GALNT13: variants seen among roughly 807,000 people sequenced by gnomAD.
GALNT13 encodes the protein polypeptide N-acetylgalactosaminyltransferase 13.
Under a neutral mutation model 64.2 loss-of-function variants are expected in GALNT13, and 28 were observed. The observed-to-expected ratio is 0.44, with a 90% CI of 0.32 to 0.60. GALNT13 has a LOEUF of 0.60. Ranked by LOEUF, GALNT13 falls within the 20% of genes least tolerant of loss-of-function variation. The pLI, the probability that GALNT13 is intolerant of heterozygous loss-of-function variation, is 0.05. For missense variants in GALNT13, 577 were observed against 669.8 expected (o/e 0.86, Z 1.53); for synonymous variants, 214 against 224.6 (o/e 0.95, Z 0.42).
the GALNT13 span, among the ~76,000 whole-genome samples, chr2:153,634,459 A>G: frequency 6.6e-6 from 1 of 151,362 alleles, no homozygotes; most frequent in African/African-American, 2.4e-5. Flanking sequence ...CCATACTCCT[A>G]GACTCTCTTC....
At chr2:153,191,606 C>A in the GALNT13 span, among the ~76,000 whole-genome samples, 1 of 151,848 alleles carries the variant, frequency 6.6e-6, no homozygotes, top group Non-Finnish European at 1.5e-5. Flanking sequence ...GTAGCCTCCC[C>A]TTTTCCAATT....
At chr2:153,939,955 G>A (rs1691219355) in intron 2 of GALNT13, among the ~76,000 whole-genome samples, 1 of 152,134 alleles carries the variant, frequency 6.6e-6, no homozygotes, top group South Asian at 2.1e-4. Context: ...TCATGACAAT[G>A]TAACTCTGAA....
At chr2:153,877,012 C>CA in intron 1 of GALNT13, among the ~76,000 whole-genome samples, 1 of 152,074 alleles carries the variant, frequency 6.6e-6, no homozygotes, top group African/African-American at 2.4e-5. Context: ...AAACACAATT[C>CA]AAAATATCAG....
At chr2:153,163,918 T>C in the GALNT13 span, among the ~76,000 whole-genome samples, 967 of 150,330 alleles carry the variant, frequency 6.4e-3, 5 homozygotes, top group African/African-American at 0.023. Flanking sequence ...CTCGGGAGGC[T>C]GAGGCAGGAG....
intron 1 of GALNT13, among the ~76,000 whole-genome samples, chr2:153,882,898 A>AAGAT (rs1686878256): frequency 6.6e-6 from 1 of 151,642 alleles, no homozygotes; most frequent in East Asian, 1.9e-4. Context: ...ACAGACATTT[A>AAGAT]AGATATAATG....
chr2:154,434,847 A>G (rs774061346), intron 11 of GALNT13, among the ~76,000 whole-genome samples: 2 of 152,230 alleles, frequency 1.3e-5, no homozygotes, highest in Non-Finnish European at 2.9e-5. Flanking sequence ...GTAAGTTGGT[A>G]TACATTCATA....
intron 1 of GALNT13, among the ~76,000 whole-genome samples, chr2:153,893,222 A>T (rs1356327927): frequency 2.0e-5 from 3 of 152,106 alleles, no homozygotes; most frequent in Non-Finnish European, 4.4e-5. Context: ...ACATTCGTCA[A>T]AAAATCATGT....
chr2:154,163,156 T>C (rs1324934610), intron 4 of GALNT13, among the ~76,000 whole-genome samples: 5 of 105,396 alleles, frequency 4.7e-5, no homozygotes, highest in South Asian at 3.5e-4. Flanking sequence ...CAACAGGCCC[T>C]GGTGTGTGAT....
chr2:153,755,270 C>G, the GALNT13 span, among the ~76,000 whole-genome samples: 1 of 152,204 alleles, frequency 6.6e-6, no homozygotes, highest in Non-Finnish European at 1.5e-5. Flanking sequence ...GGAGAGGTTT[C>G]TCTTCTGCCA....
chr2:153,422,564 T>A, the GALNT13 span, among the ~76,000 whole-genome samples: 1 of 152,040 alleles, frequency 6.6e-6, no homozygotes, highest in Non-Finnish European at 1.5e-5. Flanking sequence ...AATAAAAAAA[T>A]ACAGAAACAG....
intron 9 of GALNT13, among the ~76,000 whole-genome samples, chr2:154,393,724 C>T (rs886879215): frequency 3.9e-5 from 6 of 152,160 alleles, no homozygotes; most frequent in Non-Finnish European, 8.8e-5. Flanking sequence ...TATAATTCCC[C>T]ATTAGCCACT....
the GALNT13 span, among the ~76,000 whole-genome samples, chr2:153,565,902 T>A: frequency 6.6e-6 from 1 of 151,810 alleles, no homozygotes. Context: ...TAAGCAAAAA[T>A]TAATGAAAAA....
chr2:154,428,150 G>C (rs707062), intron 11 of GALNT13, among the ~76,000 whole-genome samples: 32,006 of 152,020 alleles, frequency 0.21, 3,649 homozygotes, highest in South Asian at 0.29. Context: ...AGATCTCCCA[G>C]AGGATGCAAA....
chr2:153,991,123 C>T (rs1695130232), intron 3 of GALNT13, among the ~76,000 whole-genome samples: 1 of 152,176 alleles, frequency 6.6e-6, no homozygotes, highest in Non-Finnish European at 1.5e-5. Context: ...ACCTTCTCCA[C>T]CAGAACACAG....
At chr2:153,489,139 G>T in the GALNT13 span, among the ~76,000 whole-genome samples, 876 of 152,218 alleles carry the variant, frequency 5.8e-3, 9 homozygotes, top group African/African-American at 0.021. Context: ...AGTTGCGGGG[G>T]CTGAGGGGTG....
At chr2:154,056,673 T>G (rs920379374) in intron 3 of GALNT13, among the ~76,000 whole-genome samples, 12 of 152,174 alleles carry the variant, frequency 7.9e-5, no homozygotes, top group African/African-American at 2.7e-4. Flanking sequence ...CAGTGAAATG[T>G]GTCATTGATA....
chr2:154,022,044 G>T (rs1229265914), intron 3 of GALNT13, among the ~76,000 whole-genome samples: 1 of 152,116 alleles, frequency 6.6e-6, no homozygotes, highest in African/African-American at 2.4e-5. Flanking sequence ...TGCATCCCAG[G>T]GATGAAGCCC....
the GALNT13 span, among the ~76,000 whole-genome samples, chr2:153,489,332 A>T: frequency 6.6e-6 from 1 of 152,262 alleles, no homozygotes; most frequent in East Asian, 1.9e-4. Context: ...TTAAAAAATA[A>T]ATTTTTGTTC....
chr2:153,811,340 G>T, the GALNT13 span, among the ~76,000 whole-genome samples: 1,910 of 152,126 alleles, frequency 0.013, 33 homozygotes, highest in African/African-American at 0.042. Context: ...ACTGACTTTT[G>T]TCTTCTTTTC....
Sources: allele counts gnomAD v4.1 joint callset (sites outside exome capture counted in the v4.1 genomes callset), GRCh38; gene constraint gnomAD v4.1.1; transcripts MANE v1.5; gene names NCBI Gene and HGNC (gene_info 2026-07-23, HGNC 2026-07-21).